The following PNPLA6 variants were observed in gnomAD, a reference collection of about 807,000 sequenced individuals.
The protein encoded by PNPLA6 is patatin like domain 6, lysophospholipase, also known as patatin-like phospholipase domain-containing protein 6.
Under a neutral mutation model 153.7 loss-of-function variants are expected in PNPLA6, and 105 were observed. The observed-to-expected ratio is 0.68, with a 90% CI of 0.58 to 0.80. PNPLA6 has a LOEUF of 0.80. Ranked by LOEUF, PNPLA6 falls within the 30% of genes least tolerant of loss-of-function variation. The pLI, the probability that PNPLA6 is intolerant of heterozygous loss-of-function variation, is 0.00. For synonymous variants in PNPLA6, 825 were observed against 822.2 expected (o/e 1.00, Z -0.06); for missense variants, 1,423 against 1,919.3 (o/e 0.74, Z 4.83).
At chr19:7,550,871 C>A in intron 16 of PNPLA6, 123 bp from the exon 17 acceptor site, 1 of 912,206 alleles carries the variant, frequency 1.1e-6, no homozygotes, top group Non-Finnish European at 1.7e-6. Context: ...GCGAGCGAGG[C>A]TTGCTTCCCT....
chr19:7,542,964 G>T lies in PNPLA6; in HGVS notation c.1530+36G>T, dbSNP rs370624903. ...GAGGGGAGCTGGGCACAGGGCGCAAGGGAGGCCTGGCTGCGCCCATCTCAA... is the reference window on the plus strand; with the variant it reads ...GAGGGGAGCTGGGCACAGGGCGCAATGGAGGCCTGGCTGCGCCCATCTCAA... On this transcript the variant is annotated intron_variant, in intron 12 of 31. Transcript: ENST00000600737. 3.7e-6 allele frequency: 6 copies of T among 1,613,606 alleles called. No homozygotes were observed. The African/African-American group carries it at 6.7e-5, about 18-fold the overall frequency.
rs1297162883 is a variant in PNPLA6 at position 7,550,279 on chromosome 19, CCCAAGT to C, written c.1815-17_1815-12del. The C allele has an allele frequency of 6.2e-7, 1 of 1,612,932 alleles. No individual in the cohort carries two copies. Among genetic ancestry groups the C allele is most frequent in the Non-Finnish European group, 8.5e-7 (1 of 1,180,044 alleles). On this transcript the variant is annotated splice_polypyrimidine_tract_variant and intron_variant, in intron 14 of 31. Transcript: ENST00000600737. ...CGGTTTTGAGGCCTTCCTCTTTCAT[CCCAAGT>C]CTGTTCCTGCAGGATCATGCGCGCA...
At chr19:7,556,632 C>A in intron 25 of PNPLA6, 23 bp from the exon 26 acceptor site, 2 of 1,605,288 alleles carry the variant, frequency 1.2e-6, no homozygotes, top group South Asian at 2.2e-5. Context: ...GCTCCTCCCC[C>A]ACCTCGATCC....
intron 18 of PNPLA6, among the ~76,000 whole-genome samples, chr19:7,552,160 A>G (rs943987700): frequency 2.0e-5 from 3 of 152,218 alleles, no homozygotes; most frequent in Admixed American, 6.5e-5. Context: ...ATGATGGAAA[A>G]TAGTCTGTGG....
chr19:7,561,379 G>T (rs1012728350), intron 31 of PNPLA6, 62 bp downstream of exon 31: 2 of 1,445,966 alleles, frequency 1.4e-6, no homozygotes, highest in Non-Finnish European at 1.9e-6. Context: ...ACAGTGTCAG[G>T]CAGGGGAGCC....
chr19:7,546,760 G>A (rs1002365190), intron 13 of PNPLA6, among the ~76,000 whole-genome samples: 2 of 152,004 alleles, frequency 1.3e-5, no homozygotes, highest in African/African-American at 4.8e-5. Context: ...TTTTAAAGGT[G>A]GGGTCTCACT....
intron 13 of PNPLA6, among the ~76,000 whole-genome samples, chr19:7,545,316 G>A (rs373349752): frequency 2.6e-5 from 4 of 151,992 alleles, no homozygotes; most frequent in South Asian, 2.1e-4. Context: ...CGTGATCCTC[G>A]GCACCTGGCC....
At chr19:7,558,778 G>A in intron 27 of PNPLA6, 72 bp from the exon 28 acceptor site, 1 of 1,071,870 alleles carries the variant, frequency 9.3e-7, no homozygotes. Flanking sequence ...GATGGCATCT[G>A]TGGGACTGGG....
At chr19:7,544,629 G>A (rs2023306803) in intron 13 of PNPLA6, among the ~76,000 whole-genome samples, 2 of 152,094 alleles carry the variant, frequency 1.3e-5, no homozygotes, top group African/African-American at 2.4e-5. Flanking sequence ...GCTGTCATAG[G>A]CACTGGGACC....
At chr19:7,536,413 T>A in intron 2 of PNPLA6, 36 bp from the exon 3 acceptor site, 7 of 1,506,884 alleles carry the variant, frequency 4.6e-6, no homozygotes, top group Non-Finnish European at 6.5e-6. Flanking sequence ...AAGGTCTGAA[T>A]TAGCAATTCA....
chr19:7,558,316 C>T (rs1361846686), intron 27 of PNPLA6, among the ~76,000 whole-genome samples: 2 of 152,172 alleles, frequency 1.3e-5, no homozygotes, highest in African/African-American at 4.8e-5. Context: ...CTGAGTCCTG[C>T]CCTCTGTTTG....
In PNPLA6 at chr19:7,561,006, C is replaced by T. The variant is rs1184340667; in HGVS notation, c.3817-8C>T. Reference sequence around the variant, plus strand: ...CCCCCTAAGAGCCTCACCAGTGTCACCCCACAGGTGCTTGCCTTCCCAAGC... The same window carrying T: ...CCCCCTAAGAGCCTCACCAGTGTCATCCCACAGGTGCTTGCCTTCCCAAGC... On this transcript the variant is annotated splice_region_variant and splice_polypyrimidine_tract_variant and intron_variant, in intron 29 of 31. Coordinates refer to ENST00000600737, the MANE Select transcript of PNPLA6 (RefSeq NM_001166114.2). 3.8e-6 allele frequency: 6 copies of T among 1,598,480 alleles called. No individual in the cohort carries two copies. Among genetic ancestry groups the T allele is most frequent in the Admixed American group, 1.7e-5 (1 of 58,706 alleles).
Position 7,541,654 on chromosome 19 carries a change from C to T in PNPLA6, c.1138C>T (p.Pro380Ser). The change falls in exon 9 of 32, where the codon CCC becomes TCC. Residue 380 changes from proline to serine, a missense_variant. Coordinates refer to ENST00000600737, the MANE Select transcript of PNPLA6 (RefSeq NM_001166114.2). This position sits in a 1 kb window ranked among gnomAD's most constrained non-coding sequence, Gnocchi z 5.2. ...PRETPGRPPD[P>S]TGAPLPGPTG... ...GGAGACCCCAGGGCGGCCACCCGAT[C>T]CCACCGGGGCCCCGCTGCCTGGACC... 6.3e-7 allele frequency: 1 copy of T among 1,578,602 alleles called. No individual in the cohort carries two copies. The highest frequency in any genetic ancestry group is 1.1e-5 in the South Asian group (1 of 87,248).
chr19:7,537,241 T>C (rs1381266831), intron 3 of PNPLA6, among the ~76,000 whole-genome samples: 5 of 152,252 alleles, frequency 3.3e-5, no homozygotes, highest in African/African-American at 7.2e-5. Flanking sequence ...ACTGAGGTAA[T>C]TGTGTTTCTA....
intron 19 of PNPLA6, 21 bp downstream of exon 19, chr19:7,554,036 G>A (rs771136764): frequency 6.2e-7 from 1 of 1,612,452 alleles, no homozygotes; most frequent in Non-Finnish European, 8.5e-7. Flanking sequence ...TGAGGGTCAT[G>A]GGTGGGGGCT....
upstream of PNPLA6, chr19:7,534,205 G>A (rs2146031995): frequency 2.9e-6 from 1 of 342,822 alleles, no homozygotes; most frequent in Non-Finnish European, 5.6e-6. Flanking sequence ...CGCTAGCGGT[G>A]TTGGCGCGGA....
At position 7,539,972 on chromosome 19, in the gene PNPLA6, C is replaced by T. The variant is rs755300288; in HGVS notation, c.468C>T (p.Pro156=). ...TPTLQRKEPP[P]AVLEADLTEG... Reference sequence around the variant, plus strand: ...CGCTGCAGCGGAAGGAGCCCCCGCCCGCAGTGCTAGAAGCTGACCTGACCG... The same window carrying T: ...CGCTGCAGCGGAAGGAGCCCCCGCCTGCAGTGCTAGAAGCTGACCTGACCG... Residue 156 remains proline, a synonymous_variant, in exon 4 of 32, where the codon CCC becomes CCT. Coordinates refer to ENST00000600737, the MANE Select transcript of PNPLA6 (RefSeq NM_001166114.2). 12 of 1,579,610 alleles carry T rather than the reference C, an allele frequency of 7.6e-6. No individual in the cohort carries two copies. The South Asian group carries it at 1.3e-4, about 17-fold the overall frequency.
chr19:7,549,572 T>G (rs1376944917), intron 13 of PNPLA6: 1 of 380,646 alleles, frequency 2.6e-6, no homozygotes, highest in Non-Finnish European at 5.0e-6. Context: ...CACTGCAACC[T>G]CAGCCTTCCA....
At chr19:7,535,615 G>C (rs1392125833), upstream of PNPLA6, 4 of 1,590,098 alleles carry the variant, frequency 2.5e-6, no homozygotes, top group Non-Finnish European at 3.4e-6. This position sits in a 1 kb window ranked among gnomAD's most constrained non-coding sequence, Gnocchi z 5.0. Context: ...GTGCCGGCGT[G>C]GGGCGCCAAG....
Sources: gnomAD v4.1 joint callset for allele counts (sites outside exome capture counted in the v4.1 genomes callset) on GRCh38, gnomAD v4.1.1 for gene constraint, Gnocchi (gnomAD v3.1) non-coding constraint, MANE v1.5 for transcripts, NCBI Gene and HGNC (gene_info 2026-07-23, HGNC 2026-07-21) for gene names.